Variants in COPG2 observed in about 807,000 individuals in gnomAD.
COPG2 encodes the protein coat protein complex I subunit gamma 2.
In COPG2, 37 loss-of-function variants were observed where a neutral mutation model predicts 46.3. The observed-to-expected ratio is 0.80, with a 90% CI of 0.61 to 1.05. The LOEUF is 1.05. Ranked by LOEUF, COPG2 falls within the 50% of genes least tolerant of loss-of-function variation. COPG2 has a pLI of 0.00. For synonymous variants in COPG2, 159 were observed against 129.7 expected, an observed-to-expected ratio of 1.23 and a Z score of -1.53; for missense variants, 427 against 387.8, an observed-to-expected ratio of 1.10 and a Z score of -0.85.
At chr7:130,586,824 T>C (rs1200823293) in intron 9 of COPG2, among the ~76,000 whole-genome samples, 1 of 152,036 alleles carries the variant, frequency 6.6e-6, no homozygotes, top group Non-Finnish European at 1.5e-5. Flanking sequence ...AATCTTTTCC[T>C]TCCTATCTAT....
intron 20 of COPG2, among the ~76,000 whole-genome samples, chr7:130,540,145 A>T (rs1446254692): frequency 6.6e-6 from 1 of 151,930 alleles, no homozygotes; most frequent in African/African-American, 2.4e-5. Context: ...GGAGGTAGGG[A>T]ACCAGATGGG....
At chr7:130,582,201 C>A (rs1794163189) in intron 9 of COPG2, among the ~76,000 whole-genome samples, 1 of 148,402 alleles carries the variant, frequency 6.7e-6, no homozygotes, top group Admixed American at 6.7e-5. Flanking sequence ...CGCATATCTA[C>A]AACTATCTGA....
At chr7:130,574,835 A>C (rs1272269409) in intron 9 of COPG2, among the ~76,000 whole-genome samples, 2 of 152,198 alleles carry the variant, frequency 1.3e-5, no homozygotes, top group Non-Finnish European at 2.9e-5. Context: ...ATATTCAAGG[A>C]AATAGATTGC....
chr7:130,586,424 T>G (rs1197738312), intron 9 of COPG2, among the ~76,000 whole-genome samples: 3 of 151,988 alleles, frequency 2.0e-5, no homozygotes, highest in Non-Finnish European at 2.9e-5. Context: ...AGAACTTACT[T>G]GTGTAACCAA....
chr7:130,612,384 C>A (rs563413446), intron 7 of COPG2, 146 bp from the exon 8 acceptor site: 15 of 588,008 alleles, frequency 2.6e-5, no homozygotes, highest in South Asian at 9.0e-5. Context: ...TGTGTCTTTA[C>A]TCCTGGAGCA....
At chr7:130,548,162 G>A (rs1405931532) in intron 19 of COPG2, among the ~76,000 whole-genome samples, 1 of 152,108 alleles carries the variant, frequency 6.6e-6, no homozygotes, top group Non-Finnish European at 1.5e-5. Context: ...TAGAAAATTG[G>A]TTATACTTTA....
chr7:130,646,805 C>G (rs1264662150), intron 5 of COPG2, among the ~76,000 whole-genome samples: 1 of 151,610 alleles, frequency 6.6e-6, no homozygotes, highest in Non-Finnish European at 1.5e-5. Flanking sequence ...TAAGATGTGC[C>G]TGCTTCCCCT....
At chr7:130,661,484 TTC>T (rs1795977986) in intron 4 of COPG2, among the ~76,000 whole-genome samples, 1 of 152,194 alleles carries the variant, frequency 6.6e-6, no homozygotes, top group Non-Finnish European at 1.5e-5. Flanking sequence ...CTCATAGTGG[TTC>T]TGTTTCCCTG....
chr7:130,654,732 T>C (rs1554459640), intron 4 of COPG2, among the ~76,000 whole-genome samples: 1 of 152,128 alleles, frequency 6.6e-6, no homozygotes, highest in African/African-American at 2.4e-5. Context: ...TCCAAAGTAT[T>C]ACCCCACAGG....
chr7:130,645,327 A>G, intron 5 of COPG2: 1 of 583,510 alleles, frequency 1.7e-6, no homozygotes, highest in Admixed American at 1.9e-5. Flanking sequence ...GTAATTCTTC[A>G]GCACAGTTGC....
chr7:130,633,441 G>A (rs1475837842), intron 5 of COPG2, among the ~76,000 whole-genome samples: 1 of 152,132 alleles, frequency 6.6e-6, no homozygotes, highest in East Asian at 1.9e-4. Flanking sequence ...GCCACTCTAA[G>A]TGGCATGAGA....
chr7:130,513,702 A>G (rs1231769231), intron 20 of COPG2, among the ~76,000 whole-genome samples: 1 of 152,134 alleles, frequency 6.6e-6, no homozygotes, highest in Admixed American at 6.5e-5. Flanking sequence ...CAGGAACCCT[A>G]TGAAGGTCTG....
chr7:130,507,469 G>A (rs1554440341), intron 22 of COPG2, 97 bp from the exon 23 acceptor site: 1 of 740,846 alleles, frequency 1.3e-6, no homozygotes, highest in Non-Finnish European at 2.5e-6. Flanking sequence ...GGAAGGGTTT[G>A]TTGGTGAAGG....
chr7:130,513,146 C>T (rs1020971094), intron 20 of COPG2, among the ~76,000 whole-genome samples: 1 of 150,850 alleles, frequency 6.6e-6, no homozygotes, highest in African/African-American at 2.4e-5. Flanking sequence ...AGTAGCTGGG[C>T]GTGGTGGCAG....
intron 9 of COPG2, among the ~76,000 whole-genome samples, chr7:130,596,120 T>A (rs1794523288): frequency 6.6e-6 from 1 of 152,094 alleles, no homozygotes. Flanking sequence ...GTGAGTAGGG[T>A]AAAATCCCAT....
chr7:130,635,836 C>T (rs1335090621), intron 5 of COPG2, among the ~76,000 whole-genome samples: 1 of 152,138 alleles, frequency 6.6e-6, no homozygotes, highest in Non-Finnish European at 1.5e-5. Flanking sequence ...CTCCTGTGGG[C>T]ATTTAGTGCT....
At chr7:130,668,346 G>A (rs1447281837) in intron 1 of COPG2, among the ~76,000 whole-genome samples, 9 of 150,726 alleles carry the variant, frequency 6.0e-5, no homozygotes, top group East Asian at 2.0e-4. Context: ...CGCGCGCAGG[G>A]GAGGAGGCGG....
At chr7:130,605,266 T>C (rs1440680878) in intron 9 of COPG2, 1 of 519,860 alleles carries the variant, frequency 1.9e-6, no homozygotes, top group Non-Finnish European at 3.8e-6. Flanking sequence ...ATTCAGCAAA[T>C]TATCTGATTC....
intron 9 of COPG2, among the ~76,000 whole-genome samples, chr7:130,570,569 C>T (rs573500275): frequency 2.6e-5 from 4 of 152,160 alleles, no homozygotes; most frequent in African/African-American, 9.6e-5. Flanking sequence ...ATGGAAACAC[C>T]TCCCATGCTC....
Sources: gnomAD v4.1 joint callset for allele counts (sites outside exome capture counted in the v4.1 genomes callset) on GRCh38, gnomAD v4.1.1 for gene constraint, MANE v1.5 for transcripts, NCBI Gene and HGNC (gene_info 2026-07-23, HGNC 2026-07-21) for gene names.